PRIMA1: variants seen among roughly 807,000 people sequenced by gnomAD.
PRIMA1 encodes proline-rich membrane anchor 1.
A neutral mutation model predicts 17.5 loss-of-function variants in PRIMA1; 7 were observed. The ratio of observed to expected loss-of-function variants is 0.40; its 90% CI spans 0.23 to 0.75. PRIMA1 has a LOEUF of 0.75. Among genes scored for constraint, PRIMA1 ranks in the 30% least tolerant of loss-of-function variants. PRIMA1 has a pLI of 0.37. For missense variants in PRIMA1, 200 were observed against 201.8 expected (o/e 0.99, Z 0.05); for synonymous variants, 97 against 77.9 (o/e 1.25, Z -1.29).
In PRIMA1 at chr14:93,722,531, G is replaced by A. The variant is rs556398006; in HGVS notation, c.360-985C>T. Among the ~76,000 whole-genome samples, 1,059 of 151,870 alleles carry A rather than the reference G, an allele frequency of 7.0e-3. 5 individuals carry two copies. Among genetic ancestry groups the A allele is most frequent in the Non-Finnish European group, 9.6e-3 (653 of 67,924 alleles). Reference sequence around the variant, plus strand: ...TGATGGTTCGGTTGACAATGGTGGTGATGGTGATACTCGTGATGGAGGTGA... The same window carrying A: ...TGATGGTTCGGTTGACAATGGTGGTAATGGTGATACTCGTGATGGAGGTGA... On this transcript the variant is annotated intron_variant, in intron 4 of 4. Coordinates refer to ENST00000393140, the MANE Select transcript of PRIMA1 (RefSeq NM_178013.4).
At chr14:93,745,658 C>G (rs1482429473) in intron 3 of PRIMA1, among the ~76,000 whole-genome samples, 1 of 152,230 alleles carries the variant, frequency 6.6e-6, no homozygotes, top group African/African-American at 2.4e-5. Flanking sequence ...CTCCCTTCAA[C>G]CCCCTCTCCA....
chr14:93,746,687 G>A (rs1451414911), intron 3 of PRIMA1, among the ~76,000 whole-genome samples: 13 of 152,150 alleles, frequency 8.5e-5, no homozygotes, highest in Non-Finnish European at 1.6e-4. Context: ...GGAAGGGCGG[G>A]AGGCTGCGGG....
At chr14:93,753,428 A>G (rs2076272561) in intron 3 of PRIMA1, among the ~76,000 whole-genome samples, 1 of 152,090 alleles carries the variant, frequency 6.6e-6, no homozygotes. Context: ...GAACCCATTC[A>G]CTCTTGGGAG....
chr14:93,748,083 A>C (rs1394964410), intron 3 of PRIMA1, among the ~76,000 whole-genome samples: 2 of 150,648 alleles, frequency 1.3e-5, no homozygotes, highest in Admixed American at 6.6e-5. Flanking sequence ...TATGTGTGTG[A>C]GTGCGTATGA....
intron 3 of PRIMA1, among the ~76,000 whole-genome samples, chr14:93,763,087 C>A (rs971716706): frequency 6.6e-6 from 1 of 152,240 alleles, no homozygotes; most frequent in African/African-American, 2.4e-5. Context: ...ACAGGGCGAG[C>A]ATATCCATGG....
chr14:93,776,672 G>A (rs1002306625), intron 3 of PRIMA1, among the ~76,000 whole-genome samples: 1 of 152,214 alleles, frequency 6.6e-6, no homozygotes, highest in African/African-American at 2.4e-5. Flanking sequence ...AAAGCACTGG[G>A]TCCATGTCCC....
chr14:93,753,759 A>G (rs1464931659), intron 3 of PRIMA1, among the ~76,000 whole-genome samples: 1 of 152,088 alleles, frequency 6.6e-6, no homozygotes, highest in Non-Finnish European at 1.5e-5. Flanking sequence ...CTCCTTTGAT[A>G]ATGGAAGGAA....
chr14:93,732,322 C>T lies in PRIMA1; in HGVS notation c.359+4919G>A, dbSNP rs542950744. 2.6e-5 allele frequency among the ~76,000 whole-genome samples: 4 copies of T among 152,334 alleles called. No individual in the cohort carries two copies. The South Asian group carries it at 8.3e-4, about 32-fold the overall frequency. On this transcript the variant is annotated intron_variant, in intron 4 of 4. Coordinates refer to ENST00000393140, the MANE Select transcript of PRIMA1 (RefSeq NM_178013.4). ...AAACAGCCACATCCCTGCAAGTGCA[C>T]AGGCCTGTGGGGCTCCCCAAGCTGG...
Position 93,737,287 on chromosome 14 carries a change from C to T in PRIMA1, c.313G>A (p.Val105Met), listed in dbSNP as rs933720150. The change falls in exon 4 of 5, where the codon GTG (valine) becomes ATG (methionine). Residue 105 changes from valine (V) to methionine (M), a missense_variant. By Grantham distance (21) the Val-to-Met change is conservative (BLOSUM62 1). Transcript: ENST00000393140. Reference protein sequence around the residue: ...IIIAVCCASLVFLTVLVIICY... With the variant: ...IIIAVCCASLMFLTVLVIICY... ...ATGATGACAAGCACAGTCAGAAACA[C>T]CAGGGAGGCACAGCATACGGCAATG... 3 of 1,614,108 alleles carry T rather than the reference C, an allele frequency of 1.9e-6. No homozygotes were observed. Among genetic ancestry groups the T allele is most frequent in the Non-Finnish European group, 1.7e-6 (2 of 1,180,018 alleles).
intron 3 of PRIMA1, among the ~76,000 whole-genome samples, chr14:93,777,991 G>A (rs975265414): frequency 6.6e-6 from 1 of 152,238 alleles, no homozygotes; most frequent in African/African-American, 2.4e-5. Flanking sequence ...TCCAAGAGTA[G>A]GTGCAGGCCC....
At chr14:93,771,175 T>C (rs117407183) in intron 3 of PRIMA1, among the ~76,000 whole-genome samples, 1,554 of 152,310 alleles carry the variant, frequency 0.01, 15 homozygotes, top group Non-Finnish European at 0.013. Flanking sequence ...TGTGTGCATG[T>C]GGATGCAGGG....
At position 93,787,571 on chromosome 14, in the gene PRIMA1, G is replaced by A. The variant is rs1595231742; in HGVS notation, c.93+55C>T. The A allele has an allele frequency of 1.0e-4, 154 of 1,536,084 alleles. 1 individual carries two copies. The South Asian group carries it at 1.7e-3, about 17-fold the overall frequency. The stretch of plus-strand genomic sequence containing the variant: ...CCAGGGTCTCAGGAGGGAAGGGACA[G>A]CTCGCCCCTTACCCAGGAGGCCCTC... On this transcript the variant is annotated intron_variant, in intron 2 of 4. Transcript: ENST00000393140.
At chr14:93,754,827 T>A (rs1331261195) in intron 3 of PRIMA1, among the ~76,000 whole-genome samples, 1 of 152,232 alleles carries the variant, frequency 6.6e-6, no homozygotes, top group East Asian at 1.9e-4. Flanking sequence ...CACCTTACTT[T>A]GACAGGGACA....
chr14:93,737,655 A>G (rs185366643), intron 3 of PRIMA1, among the ~76,000 whole-genome samples: 48 of 151,978 alleles, frequency 3.2e-4, no homozygotes, highest in African/African-American at 1.1e-3. Context: ...ACAGAGGCAC[A>G]GGGAGGCCAC....
At chr14:93,768,908 C>T (rs923411068) in intron 3 of PRIMA1, among the ~76,000 whole-genome samples, 19 of 150,726 alleles carry the variant, frequency 1.3e-4, no homozygotes, top group South Asian at 4.2e-4. Context: ...AGGGTTCAAG[C>T]GATTCTCCTG....
intron 4 of PRIMA1, chr14:93,725,850 G>A (rs1424162313): frequency 1.1e-5 from 5 of 437,920 alleles, no homozygotes; most frequent in Middle Eastern, 3.4e-4. Flanking sequence ...CGCGTGCCCC[G>A]TGGGGCTCCG....
intron 3 of PRIMA1, among the ~76,000 whole-genome samples, chr14:93,769,308 G>A (rs904249243): frequency 2.0e-5 from 3 of 152,224 alleles, no homozygotes; most frequent in African/African-American, 7.2e-5. Flanking sequence ...ACCCACTTTG[G>A]AGGACGGGAA....
At chr14:93,759,520 C>CGT (rs1042126277) in intron 3 of PRIMA1, among the ~76,000 whole-genome samples, 1 of 151,728 alleles carries the variant, frequency 6.6e-6, no homozygotes, top group Admixed American at 6.6e-5. Context: ...TGTGTGTGTG[C>CGT]GTGTGTGTGC....
At chr14:93,773,982 C>T (rs1455989991) in intron 3 of PRIMA1, among the ~76,000 whole-genome samples, 2 of 152,084 alleles carry the variant, frequency 1.3e-5, no homozygotes, top group African/African-American at 2.4e-5. Context: ...ATCCCAGCTA[C>T]TCGGGAAGCT....
Sources: gnomAD v4.1 joint callset for allele counts (sites outside exome capture counted in the v4.1 genomes callset) on GRCh38, gnomAD v4.1.1 for gene constraint, MANE v1.5 for transcripts, NCBI Gene and HGNC (gene_info 2026-07-23, HGNC 2026-07-21) for gene names.